The following GLG1 variants were observed in gnomAD, a reference collection of about 807,000 sequenced individuals.
GLG1 encodes golgi glycoprotein 1.
Under a neutral mutation model 160.5 loss-of-function variants are expected in GLG1, and 38 were observed. That is an observed-to-expected ratio of 0.24 (90% CI 0.18 to 0.31). GLG1 has a LOEUF of 0.31. Among genes scored for constraint, GLG1 ranks in the 10% least tolerant of loss-of-function variants. The pLI is 1.00. For synonymous variants in GLG1, 644 were observed against 543.4 expected (o/e 1.19, Z -2.57); for missense variants, 1,373 against 1,505.2 (o/e 0.91, Z 1.45).
At chr16:74,495,682 T>A (rs754578062) in intron 5 of GLG1, among the ~76,000 whole-genome samples, 4 of 152,174 alleles carry the variant, frequency 2.6e-5, no homozygotes, top group Admixed American at 6.5e-5. Context: ...CACATAAATA[T>A]ATAATGCGTC....
chr16:74,558,154 T>C (rs891843355), intron 1 of GLG1, among the ~76,000 whole-genome samples: 1 of 152,226 alleles, frequency 6.6e-6, no homozygotes, highest in Non-Finnish European at 1.5e-5. Flanking sequence ...CTTTTCAATG[T>C]GGATTTTATA....
At chr16:74,527,390 C>G (rs2017373781) in intron 2 of GLG1, among the ~76,000 whole-genome samples, 3 of 151,358 alleles carry the variant, frequency 2.0e-5, no homozygotes, top group Non-Finnish European at 4.4e-5. Flanking sequence ...GCTGGGATTA[C>G]TGGTGTGCAC....
At chr16:74,586,973 G>A (rs530666680) in intron 1 of GLG1, among the ~76,000 whole-genome samples, 1 of 147,632 alleles carries the variant, frequency 6.8e-6, no homozygotes, top group East Asian at 2.0e-4. Context: ...GAGATTATAG[G>A]CGTGAGCCAC....
At chr16:74,462,747 T>A (rs1179356279) in intron 20 of GLG1, 117 bp from the exon 21 acceptor site, 2 of 915,586 alleles carry the variant, frequency 2.2e-6, no homozygotes, top group East Asian at 2.4e-5. Context: ...CAACCATGGA[T>A]TTATCTATTC....
intron 11 of GLG1, among the ~76,000 whole-genome samples, chr16:74,479,499 C>T (rs941082681): frequency 2.6e-5 from 4 of 151,398 alleles, no homozygotes; most frequent in African/African-American, 9.7e-5. Context: ...AGTATAAACA[C>T]TGGGTTAGGG....
intron 1 of GLG1, 115 bp downstream of exon 1, chr16:74,606,542 T>A (rs1958570716): frequency 1.2e-6 from 1 of 846,424 alleles, no homozygotes; most frequent in African/African-American, 1.7e-5. Context: ...AAGGAGCGAG[T>A]GCAGCACAGA....
Position 74,471,270 on chromosome 16 carries a change from T to C in GLG1, c.2132A>G (p.Gln711Arg). The C allele has an allele frequency of 1.3e-6, 2 of 1,590,196 alleles. No homozygotes were observed. The highest frequency in any genetic ancestry group is 8.6e-7 in the Non-Finnish European group (1 of 1,158,134). The change falls in exon 15 of 26, where the codon CAG becomes CGG. Residue 711 changes from glutamine (Q) to arginine (R), a missense_variant. Around this residue, in one of 4 missense-constraint regions of GLG1, gnomAD observed 491 missense variants for 632.1 expected, o/e 0.78. Coordinates refer to ENST00000422840, the MANE Select transcript of GLG1 (RefSeq NM_001145667.2). Reference sequence around the variant, plus strand: ...CTCCATCAGGTCCCCAGAGTCTATCTGGTTATCTGCCACATCCTGGGGAAG... The same window carrying C: ...CTCCATCAGGTCCCCAGAGTCTATCCGGTTATCTGCCACATCCTGGGGAAG... ...QNFCHDVADNQIDSGDLMECL... is the reference protein window; with the variant it reads ...QNFCHDVADNRIDSGDLMECL...
chr16:74,600,081 G>A (rs1329555577), intron 1 of GLG1, among the ~76,000 whole-genome samples: 1 of 152,052 alleles, frequency 6.6e-6, no homozygotes, highest in African/African-American at 2.4e-5. Context: ...AGATAATCCA[G>A]TGTTAGTGCT....
At chr16:74,461,975 G>A in intron 22 of GLG1, 119 bp downstream of exon 22, 1 of 623,796 alleles carries the variant, frequency 1.6e-6, no homozygotes, top group South Asian at 1.9e-5. Context: ...GAGCCTAGAA[G>A]ATGGCCTTCA....
intron 1 of GLG1, among the ~76,000 whole-genome samples, chr16:74,590,788 A>G (rs972763127): frequency 7.0e-6 from 1 of 142,192 alleles, no homozygotes; most frequent in African/African-American, 2.6e-5. Context: ...CAAGAGTGAA[A>G]CTGTCTCAAA....
chr16:74,491,303 T>TAGAA, intron 7 of GLG1, 88 bp from the exon 8 acceptor site: 2 of 912,518 alleles, frequency 2.2e-6, no homozygotes, highest in Non-Finnish European at 3.6e-6. Flanking sequence ...TACATATTTC[T>TAGAA]ATCTGTAATA....
rs535693858 is a variant in GLG1, at chr16:74,551,612, A to AT, written c.439-19460dup. On this transcript the variant is annotated intron_variant, in intron 1 of 25. Coordinates refer to ENST00000422840, the MANE Select transcript of GLG1 (RefSeq NM_001145667.2). Reference sequence around the variant, plus strand: ...GAATGAGCCACCATGCCCAGCCCTTATTTTTTTTTTTTTAAATAAAAGAAA... The same window carrying AT: ...GAATGAGCCACCATGCCCAGCCCTTATTTTTTTTTTTTTTAAATAAAAGAAA... 2.5e-3 allele frequency among the ~76,000 whole-genome samples: 363 copies of AT among 143,128 alleles called. 3 individuals are homozygous for AT. Among genetic ancestry groups the AT allele is most frequent in the East Asian group, 0.023 (113 of 4,922 alleles). The allele number at this position is 143,128 out of a possible 152,430, so 93.9% of individuals were successfully genotyped here. A position where few individuals can be genotyped will look rare whatever the true frequency, so the allele number is the denominator to read the frequency against.
intron 13 of GLG1, among the ~76,000 whole-genome samples, chr16:74,473,686 C>T (rs368836816): frequency 5.7e-4 from 86 of 151,946 alleles, no homozygotes; most frequent in East Asian, 4.5e-3. Flanking sequence ...GTGATCCGCC[C>T]GCCTCGCCTC....
At chr16:74,504,947 G>A (rs1005206208) in intron 3 of GLG1, among the ~76,000 whole-genome samples, 1 of 152,132 alleles carries the variant, frequency 6.6e-6, no homozygotes, top group African/African-American at 2.4e-5. Flanking sequence ...AACAGAGAAG[G>A]GTGTTTGGAA....
chr16:74,571,925 A>AT (rs1344656921), intron 1 of GLG1, among the ~76,000 whole-genome samples: 1 of 152,248 alleles, frequency 6.6e-6, no homozygotes, highest in Non-Finnish European at 1.5e-5. Context: ...TGTGGAATAG[A>AT]TACTTGGTCT....
At chr16:74,593,314 C>T (rs996295394) in intron 1 of GLG1, among the ~76,000 whole-genome samples, 1 of 151,910 alleles carries the variant, frequency 6.6e-6, no homozygotes, top group Admixed American at 6.6e-5. Flanking sequence ...CCACTTCATG[C>T]TATTTATCAC....
intron 1 of GLG1, among the ~76,000 whole-genome samples, chr16:74,567,350 T>C (rs2018684925): frequency 4.6e-5 from 7 of 152,172 alleles, no homozygotes. Flanking sequence ...ATAGTTTCAC[T>C]GAAATTTGTA....
At chr16:74,472,536 G>A (rs936336730) in intron 13 of GLG1, 125 bp from the exon 14 acceptor site, 19 of 1,441,046 alleles carry the variant, frequency 1.3e-5, no homozygotes, top group Non-Finnish European at 1.7e-5. Flanking sequence ...TTTTGGAAAC[G>A]ATTCTAGTAT....
chr16:74,555,874 G>A (rs1597343405), intron 1 of GLG1, among the ~76,000 whole-genome samples: 1 of 143,036 alleles, frequency 7.0e-6, no homozygotes. Flanking sequence ...TGGTCTCGCT[G>A]TATCACCCAG....
Sources: allele counts gnomAD v4.1 joint callset (sites outside exome capture counted in the v4.1 genomes callset), GRCh38; gene constraint gnomAD v4.1.1; regional missense constraint gnomAD v4.1.1; transcripts MANE v1.5; gene names NCBI Gene and HGNC (gene_info 2026-07-23, HGNC 2026-07-21).